CCDC149: variants seen among roughly 807,000 people sequenced by gnomAD.
CCDC149 encodes the protein coiled-coil domain containing 149, also known as coiled-coil domain-containing protein 149.
CCDC149 carries 45 observed loss-of-function variants against 59.9 expected under a neutral mutation model. That is an observed-to-expected ratio of 0.75 (90% CI 0.59 to 0.96). The LOEUF is 0.96. CCDC149 is among the 40% of genes least tolerant of loss of function. CCDC149 has a pLI of 0.00. For synonymous variants in CCDC149, 245 were observed against 260.6 expected, an observed-to-expected ratio of 0.94 and a Z score of 0.58; for missense variants, 584 against 664.7, an observed-to-expected ratio of 0.88 and a Z score of 1.33.
chr4:24,842,812 T>G (rs149865244), intron 4 of CCDC149, among the ~76,000 whole-genome samples: 6 of 152,332 alleles, frequency 3.9e-5, no homozygotes, highest in Non-Finnish European at 7.3e-5. Flanking sequence ...CTTCTTAGCC[T>G]TCGTCTCTCA....
At chr4:24,968,768 T>C (rs963720389) in intron 1 of CCDC149, among the ~76,000 whole-genome samples, 1 of 152,220 alleles carries the variant, frequency 6.6e-6, no homozygotes, top group Admixed American at 6.5e-5. Context: ...GTGACACCTA[T>C]GGTAATCTGC....
intron 9 of CCDC149, among the ~76,000 whole-genome samples, chr4:24,826,408 A>T (rs1248416094): frequency 6.6e-6 from 1 of 152,280 alleles, no homozygotes; most frequent in African/African-American, 2.4e-5. Context: ...ATATGGTCCA[A>T]ACCAAGCCAG....
intron 1 of CCDC149, among the ~76,000 whole-genome samples, chr4:24,952,932 C>G (rs571508766): frequency 4.6e-5 from 7 of 151,962 alleles, no homozygotes; most frequent in Admixed American, 3.9e-4. Flanking sequence ...CATAGAGTAT[C>G]TGTCTTTTCG....
chr4:24,945,484 G>A (rs528520875), intron 1 of CCDC149, among the ~76,000 whole-genome samples: 1 of 152,146 alleles, frequency 6.6e-6, no homozygotes, highest in African/African-American at 2.4e-5. Flanking sequence ...AGGCAAGAAA[G>A]GAGTCCCCGT....
chr4:24,931,443 G>A (rs1722585270), intron 1 of CCDC149, among the ~76,000 whole-genome samples: 1 of 151,652 alleles, frequency 6.6e-6, no homozygotes, highest in Admixed American at 6.6e-5. Context: ...TGTGAGGTGT[G>A]TGTGTTTGGG....
chr4:24,954,679 G>T (rs994205536), intron 1 of CCDC149, among the ~76,000 whole-genome samples: 1 of 152,196 alleles, frequency 6.6e-6, no homozygotes, highest in African/African-American at 2.4e-5. Flanking sequence ...CCTGAGCAGT[G>T]AGTCCTGAGG....
intron 1 of CCDC149, among the ~76,000 whole-genome samples, chr4:24,978,716 G>A (rs1006609121): frequency 1.3e-5 from 2 of 152,214 alleles, no homozygotes; most frequent in African/African-American, 4.8e-5. Flanking sequence ...CCGCCCACCA[G>A]AGAATGAGAT....
intron 1 of CCDC149, among the ~76,000 whole-genome samples, chr4:24,965,774 C>G (rs1370087536): frequency 6.6e-6 from 1 of 152,200 alleles, no homozygotes; most frequent in Non-Finnish European, 1.5e-5. Context: ...AGGACTACCT[C>G]CCTGAAAAGC....
chr4:24,926,816 C>T lies in CCDC149; in HGVS notation c.-64-31698G>A, dbSNP rs555415749. 6.6e-5 allele frequency among the ~76,000 whole-genome samples: 10 copies of T among 152,300 alleles called. No individual in the cohort carries two copies. In the South Asian group the frequency reaches 1.7e-3, roughly 25 times the overall value. On this transcript the variant is annotated intron_variant, in intron 1 of 12. Transcript: ENST00000389609. Reference sequence around the variant, plus strand: ...TGGATCGTCTGAAGGTTTCTTCAATCGCATGTCTGGCACCTGGGCTGGGAG... The same window carrying T: ...TGGATCGTCTGAAGGTTTCTTCAATTGCATGTCTGGCACCTGGGCTGGGAG...
At chr4:24,874,249 T>TTTTTTTTTTG in intron 2 of CCDC149, among the ~76,000 whole-genome samples, 7 of 89,682 alleles carry the variant, frequency 7.8e-5, no homozygotes, top group African/African-American at 3.1e-4. Context: ...GATTTGTTTT[T>TTTTTTTTTTG]TTTTTTTTTT....
In CCDC149 at chr4:24,838,159, T is replaced by C; in HGVS notation, c.486A>G (p.Glu162=). Residue 162 remains glutamate (E), a synonymous_variant, in exon 5 of 13, where the codon GAA becomes GAG. Coordinates refer to ENST00000635206, the MANE Select transcript of CCDC149 (RefSeq NM_001330643.2). Reference sequence around the variant, plus strand: ...CTGAATAGATGTTAGTGAGAACCTGTTCCTTAGCTCGCTCTAGCTGCTGCA... The same window carrying C: ...CTGAATAGATGTTAGTGAGAACCTGCTCCTTAGCTCGCTCTAGCTGCTGCA... The C allele has an allele frequency of 6.2e-7, 1 of 1,612,528 alleles. No individual in the cohort carries two copies.
upstream of CCDC149, among the ~76,000 whole-genome samples, chr4:24,917,009 C>T (rs1300331632): frequency 6.6e-6 from 1 of 152,094 alleles, no homozygotes; most frequent in Non-Finnish European, 1.5e-5. Flanking sequence ...GACCTGAGGT[C>T]CCCTGAACCA....
chr4:24,860,117 A>T (rs1240184557), intron 3 of CCDC149, among the ~76,000 whole-genome samples: 1 of 152,182 alleles, frequency 6.6e-6, no homozygotes, highest in Non-Finnish European at 1.5e-5. Flanking sequence ...TGGAACCAAA[A>T]AAGAGCCCGC....
At chr4:24,838,346 A>G in intron 4 of CCDC149, 74 bp from the exon 5 acceptor site, 1 of 1,094,168 alleles carries the variant, frequency 9.1e-7, no homozygotes, top group Non-Finnish European at 1.4e-6. Flanking sequence ...AAAGGACACT[A>G]AGAAACTTTT....
chr4:24,821,916 T>C (rs1325660471), intron 10 of CCDC149, among the ~76,000 whole-genome samples: 1 of 152,314 alleles, frequency 6.6e-6, no homozygotes, highest in South Asian at 2.1e-4. Flanking sequence ...ATTCTCAGGC[T>C]AAGTAAAAAC....
chr4:24,837,060 T>C lies in CCDC149; in HGVS notation c.662+168A>G, dbSNP rs891492721. Among the ~76,000 whole-genome samples the C allele has an allele frequency of 2.0e-5, 3 of 152,164 alleles. No individual in the cohort carries two copies. Among genetic ancestry groups the C allele is most frequent in the African/African-American group, 4.8e-5 (2 of 41,438 alleles). On this transcript the variant is annotated intron_variant, in intron 6 of 12. Transcript: ENST00000635206. The surrounding 1 kb of genome is among the most constrained non-coding windows in gnomAD (Gnocchi z 4.3). ...GTGTGGGCTGCTTTCCTTTTTCACT[T>C]TTGCAACTAATACATGGCATTGATG... is the stretch of plus-strand genomic sequence containing the variant.
intron 1 of CCDC149, among the ~76,000 whole-genome samples, chr4:24,912,089 G>C (rs983899313): frequency 2.0e-5 from 3 of 152,126 alleles, no homozygotes; most frequent in African/African-American, 7.2e-5. Context: ...AGCTTCTCCC[G>C]GCAGGCCGGC....
intron 1 of CCDC149, among the ~76,000 whole-genome samples, chr4:24,942,473 T>C (rs1722982272): frequency 1.3e-5 from 2 of 152,226 alleles, no homozygotes; most frequent in Non-Finnish European, 2.9e-5. Flanking sequence ...AGCATTTCCT[T>C]TGAAAACTGG....
intron 3 of CCDC149, among the ~76,000 whole-genome samples, chr4:24,858,481 T>C (rs17624982): frequency 0.078 from 11,804 of 152,234 alleles, 473 homozygotes; most frequent in Middle Eastern, 0.095. Flanking sequence ...ATGTTGAATA[T>C]AGTGGGATAC....
Sources: allele counts gnomAD v4.1 joint callset (sites outside exome capture counted in the v4.1 genomes callset), GRCh38; gene constraint gnomAD v4.1.1; non-coding constraint Gnocchi (gnomAD v3.1); transcripts MANE v1.5; gene names NCBI Gene and HGNC (gene_info 2026-07-23, HGNC 2026-07-21).